Variants in FAT1 observed in about 807,000 individuals in gnomAD.
FAT1 encodes protocadherin Fat 1.
Under a neutral mutation model 329.8 loss-of-function variants are expected in FAT1, and 171 were observed. That is an observed-to-expected ratio of 0.52 (90% CI 0.46 to 0.59). FAT1 has a LOEUF of 0.59. Among genes scored for constraint, FAT1 ranks in the 20% least tolerant of loss-of-function variants. The pLI is 0.00. For missense variants in FAT1, 5,672 were observed against 5,774.4 expected (o/e 0.98, Z 0.57); for synonymous variants, 2,233 against 2,228.6 (o/e 1.00, Z -0.06).
At position 186,620,955 on chromosome 4, in the gene FAT1, A is replaced by G. The variant is rs1560943576; in HGVS notation, c.5631T>C (p.Pro1877=). The G allele has an allele frequency of 1.9e-6, 3 of 1,613,846 alleles. No homozygotes were observed. Among genetic ancestry groups the G allele is most frequent in the Non-Finnish European group, 2.5e-6 (3 of 1,179,890 alleles). The change falls in exon 10 of 27, where the codon CCT becomes CCC. Residue 1877 remains proline, a synonymous_variant. Transcript: ENST00000441802. ...VHVIDINDCP[P]VFAKPLYEAS... is the part of the protein sequence containing the mutation. ...CTTCATATAATGGCTTGGCAAACAC[A>G]GGGGGGCAGTCATTAATGTCAATTA...
chr4:186,591,151 G>C (rs1194045327), intron 26 of FAT1, among the ~76,000 whole-genome samples: 1 of 152,190 alleles, frequency 6.6e-6, no homozygotes, highest in African/African-American at 2.4e-5. Flanking sequence ...CTTTGAAATG[G>C]GGTGAAAATC....
rs1280103 is a variant in FAT1, at chr4:186,604,848, C to A, written c.10351-274G>T. Among the ~76,000 whole-genome samples the A allele has an allele frequency of 0.36, 54,699 of 150,928 alleles. 10,616 individuals carry two copies. The highest frequency in any genetic ancestry group is 0.56 in the East Asian group (2,850 of 5,070). On this transcript the variant is annotated intron_variant, in intron 17 of 26. Transcript: ENST00000441802. ...AGGAAGAGGGAGGAGGGGAAGCAGA[C>A]ACGAGGAGGAGTGGGGGACAGGAGG...
upstream of FAT1, chr4:186,723,940 T>C (rs1306887898): frequency 6.6e-6 from 1 of 150,570 alleles, no homozygotes; most frequent in Non-Finnish European, 1.5e-5. Context: ...CGAGCCCACT[T>C]TCCCCGGCTG....
At chr4:186,598,268 A>C (rs1738635212) in intron 22 of FAT1, 143 bp from the exon 23 acceptor site, 1 of 762,948 alleles carries the variant, frequency 1.3e-6, no homozygotes, top group Admixed American at 3.3e-5. Context: ...AAAGTTGGCT[A>C]CATCAACAAG....
intron 3 of FAT1, among the ~76,000 whole-genome samples, chr4:186,657,703 C>T (rs753985605): frequency 5.9e-5 from 9 of 152,184 alleles, no homozygotes; most frequent in Middle Eastern, 3.4e-3. Context: ...GTAGCAAAAA[C>T]GTGAAAAATA....
chr4:186,721,825 T>C (rs1316085026), intron 1 of FAT1, among the ~76,000 whole-genome samples: 1 of 152,200 alleles, frequency 6.6e-6, no homozygotes, highest in Non-Finnish European at 1.5e-5. Context: ...CAGAATTAGT[T>C]TGTGCATAAT....
At chr4:186,634,273 G>A (rs774802886) in intron 6 of FAT1, among the ~76,000 whole-genome samples, 3 of 152,078 alleles carry the variant, frequency 2.0e-5, no homozygotes, top group East Asian at 1.9e-4. Flanking sequence ...AATAGCGGTC[G>A]TTAACTTTAA....
intron 3 of FAT1, among the ~76,000 whole-genome samples, chr4:186,661,861 C>CGA (rs1267956505): frequency 6.6e-6 from 1 of 151,970 alleles, no homozygotes; most frequent in African/African-American, 2.4e-5. Context: ...TCAGAGGCCT[C>CGA]GGCTTGCAAC....
intron 2 of FAT1, among the ~76,000 whole-genome samples, chr4:186,664,360 G>A (rs963248881): frequency 3.9e-5 from 6 of 152,104 alleles, no homozygotes; most frequent in Non-Finnish European, 7.4e-5. Context: ...CTCCAAAAGG[G>A]CAGAGGCCAC....
chr4:186,617,432 T>C (rs1040939393), intron 10 of FAT1, among the ~76,000 whole-genome samples: 1 of 152,220 alleles, frequency 6.6e-6, no homozygotes, highest in Admixed American at 6.5e-5. Context: ...ATTAAAACTA[T>C]AGATGTTTTT....
chr4:186,675,027 T>G (rs191462886), intron 2 of FAT1, among the ~76,000 whole-genome samples: 3 of 152,164 alleles, frequency 2.0e-5, no homozygotes, highest in Admixed American at 2.0e-4. Context: ...GAGTGAGACC[T>G]TGTCTCAAAA....
chr4:186,682,785 T>C (rs570805367), intron 2 of FAT1, among the ~76,000 whole-genome samples: 2 of 152,266 alleles, frequency 1.3e-5, no homozygotes, highest in East Asian at 3.9e-4. Flanking sequence ...TTCCTTCTTT[T>C]CTCCATGTCA....
intron 2 of FAT1, among the ~76,000 whole-genome samples, chr4:186,692,326 T>TA (rs60509193): frequency 1.1e-4 from 16 of 146,338 alleles, no homozygotes; most frequent in East Asian, 4.0e-4. Flanking sequence ...TTTATTTATT[T>TA]TTTTGAGACG....
intron 4 of FAT1, among the ~76,000 whole-genome samples, chr4:186,637,681 T>C (rs2126566922): frequency 6.6e-6 from 1 of 152,328 alleles, no homozygotes; most frequent in East Asian, 1.9e-4. Flanking sequence ...AAATCAAATG[T>C]TCACGTTTAC....
intron 10 of FAT1, 54 bp from the exon 11 acceptor site, chr4:186,617,255 A>T (rs1217179726): frequency 1.6e-6 from 2 of 1,238,428 alleles, no homozygotes; most frequent in Non-Finnish European, 2.2e-6. Flanking sequence ...GGATAAAAAT[A>T]AGTAACAGAA....
rs142802453 is a variant in FAT1 at position 186,594,277 on chromosome 4, G to A, written c.13138+1412C>T. Among the ~76,000 whole-genome samples the A allele has an allele frequency of 6.0e-3, 910 of 151,046 alleles. 9 individuals are homozygous for A. Among genetic ancestry groups the A allele is most frequent in the African/African-American group, 0.021 (853 of 40,694 alleles). ...AGAGACGGGGTTTCACTGCCAGGAC[G>A]GTCTCGATCTCCCAACCTTGTGATC... On this transcript the variant is annotated intron_variant, in intron 26 of 26. Coordinates refer to ENST00000441802, the MANE Select transcript of FAT1 (RefSeq NM_005245.4).
chr4:186,674,917 C>G (rs2126636781), intron 2 of FAT1, among the ~76,000 whole-genome samples: 1 of 152,112 alleles, frequency 6.6e-6, no homozygotes, highest in Middle Eastern at 3.4e-3. Context: ...ACCTGTAGTC[C>G]CAGCTACTTG....
At chr4:186,726,696 T>A (rs553856483), upstream of FAT1, 4 of 152,118 alleles carry the variant, frequency 2.6e-5, no homozygotes, top group Non-Finnish European at 5.9e-5. Context: ...GGCGACTCGC[T>A]GCCTCTTTCC....
intron 16 of FAT1, among the ~76,000 whole-genome samples, chr4:186,608,658 G>A (rs1323188810): frequency 6.6e-6 from 1 of 152,176 alleles, no homozygotes; most frequent in East Asian, 1.9e-4. Context: ...TCATACCCTA[G>A]TGCCTGAGGC....
Sources: allele counts gnomAD v4.1 joint callset (sites outside exome capture counted in the v4.1 genomes callset), GRCh38; gene constraint gnomAD v4.1.1; transcripts MANE v1.5; gene names NCBI Gene and HGNC (gene_info 2026-07-23, HGNC 2026-07-21).